The following EML1 variants were observed in gnomAD, a reference collection of about 807,000 sequenced individuals.
EML1 encodes echinoderm microtubule-associated protein-like 1.
EML1 carries 27 observed loss-of-function variants against 110.4 expected under a neutral mutation model. The ratio of observed to expected loss-of-function variants is 0.24; its 90% CI spans 0.18 to 0.34. EML1 has a LOEUF of 0.34. Ranked by LOEUF, EML1 falls within the 10% of genes least tolerant of loss-of-function variation. The probability of loss-of-function intolerance (pLI) is 1.00; values close to 1 mark genes in which losing one functional copy is unlikely to be tolerated. For missense variants in EML1, 741 were observed against 1,030.9 expected (o/e 0.72, Z 3.85); for synonymous variants, 344 against 385.8 (o/e 0.89, Z 1.27).
At chr14:99,767,834 A>G (rs1243816809) in intron 1 of EML1, among the ~76,000 whole-genome samples, 1 of 152,024 alleles carries the variant, frequency 6.6e-6, no homozygotes, top group African/African-American at 2.4e-5. Context: ...TCACATACAC[A>G]TCTGTCACCT....
intron 1 of EML1, among the ~76,000 whole-genome samples, chr14:99,758,454 C>G (rs576365747): frequency 5.3e-5 from 8 of 152,250 alleles, no homozygotes; most frequent in African/African-American, 1.9e-4. Flanking sequence ...GCTGATGCAC[C>G]CTGATTTGTG....
chr14:99,925,053 G>C (rs1436311007), intron 17 of EML1, among the ~76,000 whole-genome samples: 2 of 151,944 alleles, frequency 1.3e-5, no homozygotes, highest in African/African-American at 4.8e-5. Context: ...TGGCATCTTT[G>C]TCTGTCTCAG....
intron 17 of EML1, among the ~76,000 whole-genome samples, chr14:99,922,898 T>C (rs898471914): frequency 6.6e-6 from 1 of 152,174 alleles, no homozygotes; most frequent in Admixed American, 6.6e-5. Context: ...CTTTATCAGA[T>C]AGATGATTTG....
intron 5 of EML1, among the ~76,000 whole-genome samples, chr14:99,891,879 A>G (rs1032382679): frequency 1.3e-5 from 2 of 152,220 alleles, no homozygotes; most frequent in African/African-American, 4.8e-5. Flanking sequence ...TTAAAACATA[A>G]AAGTCAAAGT....
Position 99,827,101 on chromosome 14 carries a change from A to G in EML1, c.68-23752A>G, listed in dbSNP as rs1331487235. 2.6e-5 allele frequency among the ~76,000 whole-genome samples: 4 copies of G among 152,216 alleles called. No individual in the cohort carries two copies. Among genetic ancestry groups the G allele is most frequent in the Admixed American group, 6.5e-5 (1 of 15,278 alleles). On this transcript the variant is annotated intron_variant, in intron 1 of 21. Transcript: ENST00000262233. The surrounding 1 kb of genome is among the most constrained non-coding windows in gnomAD (Gnocchi z 4.4). ...TGTAAATACGCTGGGGGGTATTTAC[A>G]TGTAGAGGGGGATGACCACCTGAAG... is the stretch of plus-strand genomic sequence containing the variant.
intron 17 of EML1, among the ~76,000 whole-genome samples, chr14:99,931,625 A>G (rs2060370055): frequency 1.3e-5 from 2 of 152,138 alleles, no homozygotes; most frequent in Non-Finnish European, 2.9e-5. Context: ...GAGCTGGGGA[A>G]TGAGGCTTAG....
At chr14:99,790,866 CTT>C, upstream of EML1, among the ~76,000 whole-genome samples, 1 of 142,772 alleles carries the variant, frequency 7.0e-6, no homozygotes. Context: ...TTTTCTTTTC[CTT>C]TTTTTTTGTG....
At chr14:99,747,301 C>T (rs2140167763) in intron 1 of EML1, among the ~76,000 whole-genome samples, 1 of 152,222 alleles carries the variant, frequency 6.6e-6, no homozygotes, top group East Asian at 1.9e-4. Context: ...GGGCACTGCG[C>T]ATTCTTCCAG....
intron 2 of EML1, among the ~76,000 whole-genome samples, chr14:99,853,204 G>A (rs1182984190): frequency 6.6e-6 from 1 of 152,150 alleles, no homozygotes; most frequent in African/African-American, 2.4e-5. Context: ...TTTTCTAACT[G>A]TAAGCAAATC....
At chr14:99,930,743 T>C (rs1210601606) in intron 17 of EML1, among the ~76,000 whole-genome samples, 1 of 152,192 alleles carries the variant, frequency 6.6e-6, no homozygotes, top group African/African-American at 2.4e-5. Flanking sequence ...ATTAAGATTG[T>C]ACTTTTTTAA....
At chr14:99,858,875 A>G (rs1271837246) in intron 2 of EML1, among the ~76,000 whole-genome samples, 3 of 152,220 alleles carry the variant, frequency 2.0e-5, no homozygotes, top group African/African-American at 7.2e-5. Flanking sequence ...TTAAAAGTAA[A>G]CTTTGGATTT....
chr14:99,757,849 A>G (rs2057274026), intron 1 of EML1, among the ~76,000 whole-genome samples: 1 of 152,242 alleles, frequency 6.6e-6, no homozygotes, highest in African/African-American at 2.4e-5. Flanking sequence ...TTCTCTGCCA[A>G]ACAAATTACA....
chr14:99,897,621 C>T (rs2059693175), intron 7 of EML1, among the ~76,000 whole-genome samples: 2 of 152,174 alleles, frequency 1.3e-5, no homozygotes, highest in Non-Finnish European at 1.5e-5. Context: ...AACGCATGAG[C>T]TTCACGGACC....
intron 2 of EML1, among the ~76,000 whole-genome samples, chr14:99,863,510 A>G (rs2059038820): frequency 6.6e-6 from 1 of 152,184 alleles, no homozygotes; most frequent in Admixed American, 6.5e-5. Flanking sequence ...TATGTCACCT[A>G]TTCAGCCCCT....
chr14:99,910,485 G>GTGTCT, intron 12 of EML1, 144 bp downstream of exon 12: 1 of 614,944 alleles, frequency 1.6e-6, no homozygotes, highest in Non-Finnish European at 2.7e-6. Context: ...ATACATGTGT[G>GTGTCT]CATGTGTAAC....
chr14:99,901,160 C>A, intron 9 of EML1, 121 bp downstream of exon 9: 1 of 797,364 alleles, frequency 1.3e-6, no homozygotes, highest in Non-Finnish European at 2.1e-6. Flanking sequence ...CAGATTTGGA[C>A]TCTGAAACAT....
chr14:99,920,910 T>TC (rs775097016), intron 17 of EML1, 33 bp downstream of exon 17: 3 of 1,583,002 alleles, frequency 1.9e-6, no homozygotes, highest in Non-Finnish European at 2.6e-6. Context: ...ACTTTATTTT[T>TC]TTAATCAACT....
upstream of EML1, among the ~76,000 whole-genome samples, chr14:99,768,081 A>G (rs2057385240): frequency 6.6e-6 from 1 of 152,016 alleles, no homozygotes; most frequent in African/African-American, 2.4e-5. Context: ...ATTTGAAGTC[A>G]CTCCTTCGAC....
intron 4 of EML1, among the ~76,000 whole-genome samples, chr14:99,888,943 C>A (rs1036436081): frequency 3.3e-5 from 5 of 152,142 alleles, no homozygotes; most frequent in African/African-American, 4.8e-5. Context: ...ACCCTCCCCC[C>A]GCTCAGACGC....
Sources: allele counts gnomAD v4.1 joint callset (sites outside exome capture counted in the v4.1 genomes callset), GRCh38; gene constraint gnomAD v4.1.1; non-coding constraint Gnocchi (gnomAD v3.1); transcripts MANE v1.5; gene names NCBI Gene and HGNC (gene_info 2026-07-23, HGNC 2026-07-21).